CCDC146: variants seen among roughly 807,000 people sequenced by gnomAD.
CCDC146 encodes coiled-coil domain-containing protein 146.
A neutral mutation model predicts 119.3 loss-of-function variants in CCDC146; 92 were observed. The observed-to-expected ratio is 0.77, with a 90% CI of 0.65 to 0.92. CCDC146 has a LOEUF of 0.92. CCDC146 is among the 40% of genes least tolerant of loss of function. The probability of loss-of-function intolerance (pLI) is 0.00; values close to 1 mark genes in which losing one functional copy is unlikely to be tolerated. For synonymous variants in CCDC146, 372 were observed against 371.8 expected (o/e 1.00, Z -0.01); for missense variants, 1,000 against 1,103.0 (o/e 0.91, Z 1.32).
intron 9 of CCDC146, among the ~76,000 whole-genome samples, chr7:77,271,356 G>A (rs561924069): frequency 6.0e-5 from 9 of 150,938 alleles, no homozygotes; most frequent in East Asian, 3.9e-4. Flanking sequence ...CTCGAACATC[G>A]GACTCCAAGT....
At chr7:77,240,168 C>T (rs549001491) in intron 3 of CCDC146, among the ~76,000 whole-genome samples, 5 of 152,266 alleles carry the variant, frequency 3.3e-5, no homozygotes, top group South Asian at 2.1e-4. Flanking sequence ...CTCCTCTTTC[C>T]GTATCATTTA....
At chr7:77,177,799 C>A (rs987685668) in intron 2 of CCDC146, among the ~76,000 whole-genome samples, 43 of 152,138 alleles carry the variant, frequency 2.8e-4, no homozygotes, top group African/African-American at 9.7e-4. Flanking sequence ...TTCGCTTTTC[C>A]TTCAGACATC....
intron 2 of CCDC146, among the ~76,000 whole-genome samples, chr7:77,202,991 G>C (rs543019600): frequency 2.0e-5 from 3 of 150,030 alleles, no homozygotes; most frequent in African/African-American, 7.3e-5. Context: ...GATCAATGGA[G>C]AGCCACTAAA....
chr7:77,216,466 G>T (rs952057799), intron 2 of CCDC146, among the ~76,000 whole-genome samples: 1 of 152,070 alleles, frequency 6.6e-6, no homozygotes, highest in African/African-American at 2.4e-5. Flanking sequence ...GGCCAGCTTT[G>T]TGACCTTGCT....
chr7:77,218,816 GC>G (rs1792347261), intron 2 of CCDC146, among the ~76,000 whole-genome samples: 2 of 151,830 alleles, frequency 1.3e-5, no homozygotes, highest in South Asian at 4.2e-4. Context: ...AAGTGATCCT[GC>G]CTCCTCAGCC....
chr7:77,266,549 C>T (rs192336236), intron 9 of CCDC146, among the ~76,000 whole-genome samples: 1 of 152,124 alleles, frequency 6.6e-6, no homozygotes, highest in African/African-American at 2.4e-5. Context: ...GCCTTCCTTC[C>T]TTTATACATA....
chr7:77,150,933 TAGGTGATACAAGCC>T (rs1379975752), intron 1 of CCDC146, among the ~76,000 whole-genome samples: 2 of 152,204 alleles, frequency 1.3e-5, no homozygotes, highest in Non-Finnish European at 2.9e-5. Context: ...AACCTTACAC[TAGGTGATACAAGCC>T]AGACACATCT....
intron 4 of CCDC146, among the ~76,000 whole-genome samples, chr7:77,242,181 A>G (rs1792862575): frequency 6.6e-6 from 1 of 152,214 alleles, no homozygotes; most frequent in Non-Finnish European, 1.5e-5. Flanking sequence ...CCACCAAACC[A>G]GTTATTAGCA....
chr7:77,268,808 A>G (rs1171578719), intron 9 of CCDC146, among the ~76,000 whole-genome samples: 2 of 152,218 alleles, frequency 1.3e-5, no homozygotes, highest in South Asian at 2.1e-4. Context: ...CTCAGGAAAA[A>G]GGCATTAGAT....
chr7:77,174,815 A>G (rs1255895045), intron 2 of CCDC146, among the ~76,000 whole-genome samples: 2 of 152,242 alleles, frequency 1.3e-5, no homozygotes, highest in Non-Finnish European at 2.9e-5. Flanking sequence ...AAGATAATGA[A>G]TAAAGTTCTG....
intron 2 of CCDC146, among the ~76,000 whole-genome samples, chr7:77,177,127 C>T (rs1291091682): frequency 7.1e-6 from 1 of 140,138 alleles, no homozygotes; most frequent in East Asian, 1.9e-4. Context: ...TAAACCCCTG[C>T]ACCTGGCCTA....
intron 10 of CCDC146, 90 bp from the exon 11 acceptor site, chr7:77,274,392 T>C (rs554387506): frequency 2.3e-6 from 2 of 876,944 alleles, no homozygotes; most frequent in South Asian, 2.0e-5. Flanking sequence ...ACATTTTGTA[T>C]AGGAAGTAAA....
chr7:77,199,577 T>A, intron 2 of CCDC146: 1 of 1,614,206 alleles, frequency 6.2e-7, no homozygotes, highest in Non-Finnish European at 8.5e-7. Context: ...TCGATCCTGC[T>A]GAATTGCTTC....
intron 2 of CCDC146, among the ~76,000 whole-genome samples, chr7:77,173,678 A>G (rs1403999664): frequency 1.3e-5 from 2 of 152,220 alleles, no homozygotes; most frequent in Non-Finnish European, 2.9e-5. Context: ...CACAACTCCC[A>G]TCAATGGGCT....
chr7:77,199,325 G>A (rs778894021), intron 2 of CCDC146: 1 of 1,613,872 alleles, frequency 6.2e-7, no homozygotes, highest in African/African-American at 1.3e-5. Flanking sequence ...TTCTCCAGGC[G>A]ACCATGAAGT....
intron 3 of CCDC146, among the ~76,000 whole-genome samples, chr7:77,239,804 A>G (rs954536791): frequency 2.0e-5 from 3 of 152,212 alleles, no homozygotes; most frequent in Admixed American, 6.5e-5. Context: ...GAGGAGTTCT[A>G]TAAGATACTG....
chr7:77,249,805 G>T (rs529885360), intron 4 of CCDC146, among the ~76,000 whole-genome samples: 1 of 152,098 alleles, frequency 6.6e-6, no homozygotes, highest in Non-Finnish European at 1.5e-5. Context: ...CATTTAAAAT[G>T]ATTACTGTTG....
At chr7:77,204,347 C>T (rs1792047588) in intron 2 of CCDC146, among the ~76,000 whole-genome samples, 1 of 152,162 alleles carries the variant, frequency 6.6e-6, no homozygotes, top group Non-Finnish European at 1.5e-5. Flanking sequence ...ATGATTTCCA[C>T]AACCCACAGA....
chr7:77,205,434 G>A (rs961584554), intron 2 of CCDC146, among the ~76,000 whole-genome samples: 1 of 152,164 alleles, frequency 6.6e-6, no homozygotes, highest in African/African-American at 2.4e-5. Context: ...TAATATATGT[G>A]TTTTCTCCGT....
Sources: allele counts gnomAD v4.1 joint callset (sites outside exome capture counted in the v4.1 genomes callset), GRCh38; gene constraint gnomAD v4.1.1; transcripts MANE v1.5; gene names NCBI Gene and HGNC (gene_info 2026-07-23, HGNC 2026-07-21).